PAK5: variants seen among roughly 807,000 people sequenced by gnomAD.
PAK5 encodes the protein serine/threonine-protein kinase PAK 5.
PAK5 carries 16 observed loss-of-function variants against 65.9 expected under a neutral mutation model. That is an observed-to-expected ratio of 0.24 (90% CI 0.16 to 0.37). PAK5 has a LOEUF of 0.37. PAK5 is among the 10% of genes least tolerant of loss of function. The pLI is 1.00. For synonymous variants in PAK5, 371 were observed against 354.9 expected, an observed-to-expected ratio of 1.05 and a Z score of -0.51; for missense variants, 785 against 903.9, an observed-to-expected ratio of 0.87 and a Z score of 1.69.
chr20:9,827,375 C>T (rs543351982), intron 1 of PAK5, among the ~76,000 whole-genome samples: 5 of 152,182 alleles, frequency 3.3e-5, no homozygotes, highest in Non-Finnish European at 5.9e-5. Context: ...ATCATAGCAC[C>T]GCCTTTTCAC....
chr20:9,734,543 C>T (rs999749452), intron 1 of PAK5, among the ~76,000 whole-genome samples: 4 of 143,636 alleles, frequency 2.8e-5, no homozygotes, highest in Non-Finnish European at 4.6e-5. Flanking sequence ...TAGACACACA[C>T]GCGCACATGC....
chr20:9,831,734 C>T (rs1338706755), intron 1 of PAK5, among the ~76,000 whole-genome samples: 2 of 152,178 alleles, frequency 1.3e-5, no homozygotes, highest in East Asian at 1.9e-4. Flanking sequence ...TGTCAAACTC[C>T]TGAGCTCAAG....
chr20:9,817,769 A>G (rs545649050), intron 1 of PAK5, among the ~76,000 whole-genome samples: 2 of 152,334 alleles, frequency 1.3e-5, no homozygotes, highest in African/African-American at 4.8e-5. Flanking sequence ...TGCCAAGTCC[A>G]TAATCCAATC....
intron 1 of PAK5, among the ~76,000 whole-genome samples, chr20:9,716,259 A>G (rs1470426916): frequency 1.3e-5 from 2 of 152,196 alleles, no homozygotes; most frequent in African/African-American, 4.8e-5. Context: ...TAAATTCTAG[A>G]AGGACAGTTC....
At chr20:9,733,715 G>C (rs936061185) in intron 1 of PAK5, among the ~76,000 whole-genome samples, 3 of 152,118 alleles carry the variant, frequency 2.0e-5, no homozygotes, top group Admixed American at 2.0e-4. Flanking sequence ...AAAGTGCTGG[G>C]ATTAGAGGTG....
rs2045963634 is a variant in PAK5, at chr20:9,580,688, C to G, written c.447G>C (p.Lys149Asn). ...GATCCAGATCATCTCCATAGAGACT[C>G]TTCTCCCTGTACTTTTCGGTCGTGT... The part of the protein sequence containing the change: ...ADYTTEKYRE[K>N]SLYGDDLDPY... Residue 149 changes from lysine to asparagine, a missense_variant, in exon 4 of 10, where the codon AAG becomes AAC. Lys to Asn is a moderately conservative substitution (Grantham distance 94, BLOSUM62 0). Around this residue, in one of 4 missense-constraint regions of PAK5, gnomAD observed 422 missense variants for 413.3 expected, o/e 1.02. Transcript: ENST00000353224. 1 of 1,614,066 alleles carries G rather than the reference C, an allele frequency of 6.2e-7. No individual in the cohort carries two copies. The highest frequency in any genetic ancestry group is 8.5e-7 in the Non-Finnish European group (1 of 1,180,016).
intron 2 of PAK5, among the ~76,000 whole-genome samples, chr20:9,666,259 G>T (rs1272740461): frequency 6.6e-6 from 1 of 151,974 alleles, no homozygotes; most frequent in South Asian, 2.1e-4. Flanking sequence ...GCCATTTACT[G>T]TATTGAAACA....
intron 1 of PAK5, among the ~76,000 whole-genome samples, chr20:9,789,020 G>A (rs191768203): frequency 2.0e-5 from 3 of 152,302 alleles, no homozygotes; most frequent in East Asian, 3.9e-4. Context: ...ATTGGAATAT[G>A]GGAGTCCCTC....
At chr20:9,592,956 T>C (rs572987999) in intron 3 of PAK5, among the ~76,000 whole-genome samples, 1 of 152,238 alleles carries the variant, frequency 6.6e-6, no homozygotes, top group South Asian at 2.1e-4. Context: ...AGCTGAAATA[T>C]TCCAGTAACT....
At chr20:9,673,505 C>G (rs1367412157) in intron 2 of PAK5, among the ~76,000 whole-genome samples, 1 of 152,016 alleles carries the variant, frequency 6.6e-6, no homozygotes, top group African/African-American at 2.4e-5. Flanking sequence ...TAATTTTGTT[C>G]AATTTAAATA....
chr20:9,705,239 T>TAAAA (rs111756142), intron 2 of PAK5, among the ~76,000 whole-genome samples: 2 of 149,232 alleles, frequency 1.3e-5, no homozygotes, highest in South Asian at 4.2e-4. Context: ...TGTGTCTAAT[T>TAAAA]AAAAAAAAAA....
At chr20:9,618,915 GTTTTTTTTT>G (rs150725498) in intron 3 of PAK5, among the ~76,000 whole-genome samples, 94 of 18,834 alleles carry the variant, frequency 5.0e-3, no homozygotes, top group African/African-American at 0.017. Context: ...TCTTTCTTTC[GTTTTTTTTT>G]TTTTTTTTTT....
chr20:9,611,119 A>G (rs928949466), intron 3 of PAK5, among the ~76,000 whole-genome samples: 3 of 152,240 alleles, frequency 2.0e-5, no homozygotes, highest in Non-Finnish European at 4.4e-5. Context: ...AGCAGCAGGA[A>G]AGGACCAAGA....
intron 2 of PAK5, among the ~76,000 whole-genome samples, chr20:9,664,767 A>T (rs886259981): frequency 4.4e-4 from 67 of 152,178 alleles, no homozygotes; most frequent in African/African-American, 1.5e-3. Flanking sequence ...TTCATGTTAC[A>T]TATTGTAGCC....
intron 3 of PAK5, among the ~76,000 whole-genome samples, chr20:9,599,136 C>T (rs1480224009): frequency 1.3e-5 from 2 of 152,182 alleles, no homozygotes; most frequent in Non-Finnish European, 2.9e-5. Flanking sequence ...TCTTTTGTCC[C>T]TGGTTTATTT....
intron 1 of PAK5, among the ~76,000 whole-genome samples, chr20:9,747,347 C>T (rs2123605143): frequency 6.6e-6 from 1 of 152,130 alleles, no homozygotes; most frequent in South Asian, 2.1e-4. Context: ...AGGCCAGCAT[C>T]ATCCTGATAC....
Position 9,823,739 on chromosome 20 carries a change from C to T in PAK5, c.-162+15023G>A, listed in dbSNP as rs138000193. Among the ~76,000 whole-genome samples the T allele has an allele frequency of 4.5e-3, 682 of 152,286 alleles. 2 individuals carry two copies. The highest frequency in any genetic ancestry group is 0.015 in the African/African-American group (630 of 41,552). On this transcript the variant is annotated intron_variant, in intron 1 of 9. Transcript: ENST00000353224. ...AAACTCCCCTTCCATGTGTTACTTG[C>T]CCTCTCTCTTAACGGTATTCCATGA...
intron 2 of PAK5, among the ~76,000 whole-genome samples, chr20:9,666,231 G>A (rs2047415341): frequency 6.6e-6 from 1 of 151,988 alleles, no homozygotes; most frequent in Non-Finnish European, 1.5e-5. Context: ...CATAACTTGA[G>A]TCATATAATT....
In PAK5 at chr20:9,542,532, T is replaced by C; in HGVS notation, c.2004+54A>G. On this transcript the variant is annotated intron_variant, in intron 9 of 9. Transcript: ENST00000353224. ...AAGCCAGTCTTAAAAACCAGAGAGA[T>C]ACAGGAAAATCCAAAAACTATTCTG... The C allele has an allele frequency of 3.1e-6, 5 of 1,590,642 alleles. No individual in the cohort carries two copies. In the Admixed American group the frequency reaches 5.0e-5, roughly 16 times the overall value.
Sources: gnomAD v4.1 joint callset for allele counts (sites outside exome capture counted in the v4.1 genomes callset) on GRCh38, gnomAD v4.1.1 for gene constraint, gnomAD v4.1.1 regional missense constraint, MANE v1.5 for transcripts, NCBI Gene and HGNC (gene_info 2026-07-23, HGNC 2026-07-21) for gene names.